The following MAML3 variants were observed in gnomAD, a reference collection of about 807,000 sequenced individuals.
MAML3 encodes mastermind-like protein 3.
A neutral mutation model predicts 101.9 loss-of-function variants in MAML3; 27 were observed. The observed-to-expected ratio is 0.27, with a 90% CI of 0.20 to 0.37. MAML3 has a LOEUF of 0.37. Ranked by LOEUF, MAML3 falls within the 10% of genes least tolerant of loss-of-function variation. MAML3 has a pLI of 1.00. For synonymous variants in MAML3, 501 were observed against 555.9 expected (o/e 0.90, Z 1.39); for missense variants, 1,316 against 1,444.9 (o/e 0.91, Z 1.45).
intron 1 of MAML3, among the ~76,000 whole-genome samples, chr4:139,931,969 A>T (rs1016438158): frequency 6.6e-6 from 1 of 152,164 alleles, no homozygotes; most frequent in Non-Finnish European, 1.5e-5. Context: ...CAGTGAGCCG[A>T]GATGGTGCCA....
chr4:139,988,231 G>A (rs548159854), intron 1 of MAML3, among the ~76,000 whole-genome samples: 58 of 149,588 alleles, frequency 3.9e-4, no homozygotes, highest in African/African-American at 1.3e-3. Flanking sequence ...GGAGGCTGAG[G>A]CAGAAGAAAC....
intron 1 of MAML3, among the ~76,000 whole-genome samples, chr4:140,065,269 T>G (rs999835523): frequency 2.6e-5 from 4 of 152,168 alleles, no homozygotes; most frequent in African/African-American, 9.7e-5. Flanking sequence ...CTCAGTTGTA[T>G]TTGGACTTAC....
At chr4:139,914,142 C>T (rs1578594459) in intron 1 of MAML3, among the ~76,000 whole-genome samples, 1 of 152,010 alleles carries the variant, frequency 6.6e-6, no homozygotes, top group Non-Finnish European at 1.5e-5. Flanking sequence ...ATCACAGTTC[C>T]AAAATTCCAA....
At chr4:139,748,665 T>C (rs1176734429) in intron 2 of MAML3, among the ~76,000 whole-genome samples, 1 of 152,154 alleles carries the variant, frequency 6.6e-6, no homozygotes, top group African/African-American at 2.4e-5. Flanking sequence ...CTATAGTCTA[T>C]ATGTTTCTGG....
chr4:140,034,957 CCAA>C (rs1726960796), intron 1 of MAML3, among the ~76,000 whole-genome samples: 1 of 152,138 alleles, frequency 6.6e-6, no homozygotes, highest in African/African-American at 2.4e-5. Context: ...ATTCAGTTGT[CCAA>C]CAATATGAAC....
chr4:139,795,588 C>T (rs1173808317), intron 2 of MAML3, among the ~76,000 whole-genome samples: 1 of 152,172 alleles, frequency 6.6e-6, no homozygotes, highest in East Asian at 1.9e-4. Context: ...TTCAAAAAGT[C>T]ACAATTTCTG....
At chr4:139,975,645 A>G (rs11100399) in intron 1 of MAML3, among the ~76,000 whole-genome samples, 82,440 of 152,098 alleles carry the variant, frequency 0.54, 24,197 homozygotes, top group East Asian at 0.91. Context: ...TGTATGTCTC[A>G]AGCCTAGAAC....
intron 2 of MAML3, among the ~76,000 whole-genome samples, chr4:139,845,050 T>C (rs1202212720): frequency 1.3e-5 from 2 of 152,188 alleles, no homozygotes; most frequent in Non-Finnish European, 2.9e-5. Flanking sequence ...AGCATCCCTT[T>C]TGATGAGATA....
At chr4:140,075,950 TG>T (rs1286035479) in intron 1 of MAML3, among the ~76,000 whole-genome samples, 1 of 152,108 alleles carries the variant, frequency 6.6e-6, no homozygotes, top group Non-Finnish European at 1.5e-5. Flanking sequence ...TTAGTAGAGA[TG>T]AGGTTTTGCC....
At chr4:139,976,783 A>G (rs1424124149) in intron 1 of MAML3, among the ~76,000 whole-genome samples, 1 of 152,232 alleles carries the variant, frequency 6.6e-6, no homozygotes, top group Admixed American at 6.5e-5. Flanking sequence ...TTTTAAATAC[A>G]TACCCTAAAT....
At chr4:139,734,442 G>C (rs1728847450) in intron 2 of MAML3, among the ~76,000 whole-genome samples, 1 of 152,160 alleles carries the variant, frequency 6.6e-6, no homozygotes, top group Non-Finnish European at 1.5e-5. Flanking sequence ...TCTTAATACA[G>C]TTTCTTCCCC....
chr4:140,081,756 A>G (rs1456727833), intron 1 of MAML3, among the ~76,000 whole-genome samples: 2 of 152,194 alleles, frequency 1.3e-5, no homozygotes, highest in Admixed American at 1.3e-4. Flanking sequence ...GCACAACACC[A>G]GAGGATGTGA....
At chr4:139,938,189 T>C (rs1410128293) in intron 1 of MAML3, among the ~76,000 whole-genome samples, 1 of 152,198 alleles carries the variant, frequency 6.6e-6, no homozygotes, top group African/African-American at 2.4e-5. Context: ...AGCAAACATT[T>C]TGAACTGCTC....
rs1374378233 is a variant in MAML3 at position 140,000,708 on chromosome 4, CT to C, written c.469-109742del. Reference sequence around the variant, plus strand: ...ATGATCTAGCTGTGTTAATAACACCCTCAATTGAAAAAGAACAAAGACTTAA... The same window carrying C: ...ATGATCTAGCTGTGTTAATAACACCCCAATTGAAAAAGAACAAAGACTTAA... On this transcript the variant is annotated intron_variant, in intron 1 of 4. Transcript: ENST00000509479. Among the ~76,000 whole-genome samples, 6 of 152,208 alleles carry C rather than the reference CT, an allele frequency of 3.9e-5. No individual in the cohort carries two copies. In the East Asian group the frequency reaches 1.2e-3, roughly 29 times the overall value.
At chr4:139,754,773 GC>G (rs1357115232) in intron 2 of MAML3, among the ~76,000 whole-genome samples, 1 of 152,150 alleles carries the variant, frequency 6.6e-6, no homozygotes, top group Non-Finnish European at 1.5e-5. Context: ...AAAATGACCA[GC>G]CCAGTGCAAT....
intron 2 of MAML3, among the ~76,000 whole-genome samples, chr4:139,791,502 C>CAAAAA (rs534133306): frequency 6.4e-4 from 61 of 95,088 alleles, no homozygotes; most frequent in African/African-American, 2.5e-3. Flanking sequence ...GACTCCATCT[C>CAAAAA]AAAAAAAAAA....
chr4:139,963,127 T>C (rs767687900), intron 1 of MAML3, among the ~76,000 whole-genome samples: 4 of 152,216 alleles, frequency 2.6e-5, no homozygotes, highest in African/African-American at 4.8e-5. Context: ...CAAACTTTAA[T>C]GTGCATACAA....
chr4:140,136,831 CAA>C (rs1728895222), intron 1 of MAML3, among the ~76,000 whole-genome samples: 1 of 152,282 alleles, frequency 6.6e-6, no homozygotes, highest in Admixed American at 6.5e-5. Context: ...AAATGATAAA[CAA>C]TGATGCTAAG....
intron 1 of MAML3, among the ~76,000 whole-genome samples, chr4:140,063,778 G>A (rs555567629): frequency 7.5e-5 from 11 of 146,870 alleles, no homozygotes; most frequent in African/African-American, 2.7e-4. Context: ...TTGTTTATTT[G>A]TTTGCTTGCT....
Sources: gnomAD v4.1 joint callset for allele counts (sites outside exome capture counted in the v4.1 genomes callset) on GRCh38, gnomAD v4.1.1 for gene constraint, MANE v1.5 for transcripts, NCBI Gene and HGNC (gene_info 2026-07-23, HGNC 2026-07-21) for gene names.